The following LYSMD2 variants were observed in gnomAD, a reference collection of about 807,000 sequenced individuals.
LYSMD2 encodes lysM and putative peptidoglycan-binding domain-containing protein 2.
LYSMD2 carries 6 observed loss-of-function variants against 17.7 expected under a neutral mutation model. The ratio of observed to expected loss-of-function variants is 0.34; its 90% CI spans 0.19 to 0.67. LYSMD2 has a LOEUF of 0.67. Among genes scored for constraint, LYSMD2 ranks in the 30% least tolerant of loss-of-function variants. The pLI is 0.69. For missense variants in LYSMD2, 237 were observed against 286.7 expected (o/e 0.83, Z 1.25); for synonymous variants, 102 against 129.8 (o/e 0.79, Z 1.45).
rs2055513496 is a variant in LYSMD2, at chr15:51,723,163, T to G, written c.*444A>C. 1 of 154,002 alleles carries G rather than the reference T, an allele frequency of 6.5e-6. No homozygotes were observed. Among genetic ancestry groups the G allele is most frequent in the South Asian group, 2.0e-4 (1 of 5,022 alleles). The allele number at this position is 154,002 out of a possible 1,614,324, so 9.5% of individuals were successfully genotyped here. On this transcript the variant is annotated 3_prime_UTR_variant, in exon 3 of 3. Coordinates refer to ENST00000267838, the MANE Select transcript of LYSMD2 (RefSeq NM_153374.3). ...TGGTTCTTTATATTAATAGAGAATATGTAAGACATATCGAAATATATATAT... is the reference window on the plus strand; with the variant it reads ...TGGTTCTTTATATTAATAGAGAATAGGTAAGACATATCGAAATATATATAT...
intron 1 of LYSMD2, among the ~76,000 whole-genome samples, chr15:51,746,725 T>C (rs74581189): frequency 0.032 from 4,813 of 152,190 alleles, 122 homozygotes; most frequent in Non-Finnish European, 0.05. Flanking sequence ...ATTTCATCTA[T>C]ACCCCACCCC....
chr15:51,751,122 G>T (rs2055697935), intron 1 of LYSMD2: 1 of 583,372 alleles, frequency 1.7e-6, no homozygotes, highest in Non-Finnish European at 3.1e-6. Flanking sequence ...CACTGCGCTT[G>T]GGCTCTCCAG....
exon 1 of LYSMD2, chr15:51,751,381 C>T (rs1327483318): frequency 1.4e-6 from 1 of 702,246 alleles, no homozygotes; most frequent in South Asian, 1.5e-5. Flanking sequence ...CGAGCGTCTC[C>T]AAAGAGCCTG....
At chr15:51,746,630 CTG>C (rs1029365559) in intron 1 of LYSMD2, among the ~76,000 whole-genome samples, 1 of 152,102 alleles carries the variant, frequency 6.6e-6, no homozygotes, top group Non-Finnish European at 1.5e-5. Context: ...CTTAACAAAA[CTG>C]TATTTAGAGA....
intron 1 of LYSMD2, among the ~76,000 whole-genome samples, chr15:51,750,913 T>C (rs1473157563): frequency 2.6e-5 from 4 of 152,198 alleles, no homozygotes; most frequent in Admixed American, 2.6e-4. Context: ...GCACGACATA[T>C]AGGACTTTCC....
Position 51,723,601 on chromosome 15 carries a change from A to C in LYSMD2, c.*6T>G, listed in dbSNP as rs201762517. Reference sequence around the variant, plus strand: ...AATTTTGGTTAGAGTTATGCCCCCAAATCACCTAACTGTGATAGAGGGAAG... The same window carrying C: ...AATTTTGGTTAGAGTTATGCCCCCACATCACCTAACTGTGATAGAGGGAAG... On this transcript the variant is annotated 3_prime_UTR_variant, in exon 3 of 3. Coordinates refer to ENST00000267838, the MANE Select transcript of LYSMD2 (RefSeq NM_153374.3). 1 of 1,604,590 alleles carries C rather than the reference A, an allele frequency of 6.2e-7. No homozygotes were observed. The highest frequency in any genetic ancestry group is 8.5e-7 in the Non-Finnish European group (1 of 1,172,686).
intron 2 of LYSMD2, 117 bp from the exon 3 acceptor site, chr15:51,723,766 T>C (rs2055518294): frequency 1.4e-6 from 1 of 698,542 alleles, no homozygotes; most frequent in Non-Finnish European, 2.3e-6. Flanking sequence ...ACTTAGAATA[T>C]TGTGCATGCC....
At chr15:51,750,605 T>C (rs1264996193) in intron 1 of LYSMD2, among the ~76,000 whole-genome samples, 1 of 152,162 alleles carries the variant, frequency 6.6e-6, no homozygotes, top group Non-Finnish European at 1.5e-5. Flanking sequence ...ATGCTCAAAA[T>C]ATGCTGCAAA....
intron 1 of LYSMD2, among the ~76,000 whole-genome samples, chr15:51,734,899 G>C (rs1335668514): frequency 6.6e-6 from 1 of 152,180 alleles, no homozygotes; most frequent in East Asian, 1.9e-4. Context: ...TATTAGACCA[G>C]TGCAGTGGCT....
At chr15:51,745,228 A>T (rs2055661508) in intron 1 of LYSMD2, among the ~76,000 whole-genome samples, 1 of 152,160 alleles carries the variant, frequency 6.6e-6, no homozygotes, top group Non-Finnish European at 1.5e-5. Flanking sequence ...CTTCCAAAAA[A>T]ATAGAACACT....
intron 1 of LYSMD2, among the ~76,000 whole-genome samples, chr15:51,731,933 G>A (rs1346128765): frequency 1.3e-5 from 2 of 152,178 alleles, no homozygotes; most frequent in South Asian, 2.1e-4. Flanking sequence ...GCCAGGCCAA[G>A]CAAGTTTACG....
upstream of LYSMD2, among the ~76,000 whole-genome samples, chr15:51,738,366 G>A (rs1447528321): frequency 6.6e-6 from 1 of 152,136 alleles, no homozygotes; most frequent in Non-Finnish European, 1.5e-5. Context: ...AGTCCTGGCT[G>A]CCTCGAAAGG....
upstream of LYSMD2, among the ~76,000 whole-genome samples, chr15:51,739,711 T>G (rs1341233827): frequency 6.6e-6 from 1 of 152,124 alleles, no homozygotes; most frequent in Non-Finnish European, 1.5e-5. Flanking sequence ...GGAGGATAGC[T>G]TGAGCCCAGG....
intron 1 of LYSMD2, among the ~76,000 whole-genome samples, chr15:51,746,381 G>GTGAAATATCCAGAA (rs1354545281): frequency 1.3e-5 from 2 of 152,156 alleles, no homozygotes; most frequent in African/African-American, 4.8e-5. Flanking sequence ...TTCCATTTAC[G>GTGAAATATCCAGAA]TGAAATATCC....
intron 1 of LYSMD2, among the ~76,000 whole-genome samples, chr15:51,734,927 C>A (rs1567228967): frequency 1.3e-5 from 2 of 152,180 alleles, no homozygotes; most frequent in African/African-American, 4.8e-5. Context: ...GTAGGCCCAG[C>A]ACTTTGGGAG....
In LYSMD2 at chr15:51,727,629, G is replaced by T. The variant is rs567463629; in HGVS notation, c.274-2508C>A. ...ATGGGCCATCAAGGCCAGGCAAGGG[G>T]CCTACAGAGGACTAGACAAGGTGAC... On this transcript the variant is annotated intron_variant, in intron 1 of 2. Transcript: ENST00000267838. 3.8e-4 allele frequency among the ~76,000 whole-genome samples: 58 copies of T among 152,324 alleles called. 1 individual carries two copies. In the South Asian group the frequency reaches 0.012, roughly 32 times the overall value.
intron 1 of LYSMD2, among the ~76,000 whole-genome samples, chr15:51,744,848 C>A (rs931800067): frequency 1.3e-5 from 2 of 150,918 alleles, no homozygotes; most frequent in East Asian, 3.9e-4. Context: ...TTGAAAAGAT[C>A]GACAAAATTG....
chr15:51,737,262 T>TGCCCCCCCCCCC lies in LYSMD2; in HGVS notation c.273+87_273+88insGGGGGGGGGGGC. 3.7e-5 allele frequency: 5 copies of TGCCCCCCCCCCC among 134,038 alleles called. No homozygotes were observed. The highest frequency in any genetic ancestry group is 5.7e-5 in the Non-Finnish European group (4 of 70,572). 8.3% of individuals were successfully genotyped at this position (134,038 alleles called of 1,614,324 possible). A position where few individuals can be genotyped will look rare whatever the true frequency, so the allele number is the denominator to read the frequency against. Reference sequence around the variant, plus strand: ...CCATCCCCCAAACCCCCACCCGCAGTCCCACCCCCACCCCCACCGCACCCC... The same window carrying TGCCCCCCCCCCC: ...CCATCCCCCAAACCCCCACCCGCAGTGCCCCCCCCCCCCCCACCCCCACCCCCACCGCACCCC... On this transcript the variant is annotated intron_variant, in intron 1 of 2. Coordinates refer to ENST00000267838, the MANE Select transcript of LYSMD2 (RefSeq NM_153374.3). This position sits in a 1 kb window ranked among gnomAD's most constrained non-coding sequence, Gnocchi z 4.2.
chr15:51,727,968 A>T (rs1179629591), intron 1 of LYSMD2, among the ~76,000 whole-genome samples: 1 of 152,196 alleles, frequency 6.6e-6, no homozygotes, highest in Non-Finnish European at 1.5e-5. Context: ...AGTTTAATAC[A>T]GCATAGTACT....
Sources: allele counts gnomAD v4.1 joint callset (sites outside exome capture counted in the v4.1 genomes callset), GRCh38; gene constraint gnomAD v4.1.1; non-coding constraint Gnocchi (gnomAD v3.1); transcripts MANE v1.5; gene names NCBI Gene and HGNC (gene_info 2026-07-23, HGNC 2026-07-21).